STXBP5: variants seen among roughly 807,000 people sequenced by gnomAD.
The protein encoded by STXBP5 is syntaxin-binding protein 5.
Under a neutral mutation model 152.4 loss-of-function variants are expected in STXBP5, and 50 were observed. That is an observed-to-expected ratio of 0.33 (90% confidence interval 0.26 to 0.42). The LOEUF (loss-of-function observed/expected upper bound fraction) is 0.42. STXBP5 is among the 10% of genes least tolerant of loss of function. STXBP5 has a pLI of 1.00. For missense variants in STXBP5, 1,167 were observed against 1,388.6 expected (o/e 0.84, Z 2.54); for synonymous variants, 492 against 494.7 (o/e 0.99, Z 0.07).
At chr6:147,227,291 G>T (rs1777767338) in intron 2 of STXBP5, among the ~76,000 whole-genome samples, 1 of 152,094 alleles carries the variant, frequency 6.6e-6, no homozygotes, top group African/African-American at 2.4e-5. Context: ...CTTTCCAAAG[G>T]CATATACATG....
chr6:147,273,339 T>C (rs1417877470), intron 7 of STXBP5, among the ~76,000 whole-genome samples: 1 of 152,080 alleles, frequency 6.6e-6, no homozygotes, highest in African/African-American at 2.4e-5. Context: ...ATTCCAGCCC[T>C]GGTGACAGAG....
intron 9 of STXBP5, among the ~76,000 whole-genome samples, chr6:147,294,914 A>G (rs1419507531): frequency 1.3e-5 from 2 of 152,206 alleles, no homozygotes; most frequent in Non-Finnish European, 2.9e-5. Context: ...TTATTAAAAT[A>G]TTTGAAAGTC....
intron 2 of STXBP5, among the ~76,000 whole-genome samples, chr6:147,209,261 CTCAT>C (rs1449604220): frequency 1.3e-5 from 2 of 152,032 alleles, no homozygotes; most frequent in African/African-American, 4.8e-5. Context: ...ATCGAAGAAC[CTCAT>C]TCATTGTCTT....
intron 2 of STXBP5, among the ~76,000 whole-genome samples, chr6:147,230,616 A>G (rs1222465955): frequency 6.6e-6 from 1 of 151,818 alleles, no homozygotes; most frequent in Non-Finnish European, 1.5e-5. Context: ...ATAATAAAGC[A>G]GGAAATAACA....
At chr6:147,356,558 G>A (rs1332840249) in intron 22 of STXBP5, among the ~76,000 whole-genome samples, 2 of 151,672 alleles carry the variant, frequency 1.3e-5, no homozygotes, top group African/African-American at 4.8e-5. Flanking sequence ...ATCATAATTT[G>A]TAAATTATGG....
intron 2 of STXBP5, among the ~76,000 whole-genome samples, chr6:147,222,146 C>T (rs540866030): frequency 5.5e-4 from 84 of 152,140 alleles, no homozygotes; most frequent in African/African-American, 1.9e-3. Flanking sequence ...TTATATTGCC[C>T]ATCTGTTGTT....
intron 26 of STXBP5, among the ~76,000 whole-genome samples, chr6:147,376,252 A>G (rs941665858): frequency 1.3e-5 from 2 of 152,212 alleles, no homozygotes; most frequent in Non-Finnish European, 2.9e-5. Flanking sequence ...TTTTTGGGAA[A>G]CTTGTAAAAA....
At chr6:147,384,255 T>C (rs1425617913) in intron 27 of STXBP5, among the ~76,000 whole-genome samples, 5 of 152,074 alleles carry the variant, frequency 3.3e-5, no homozygotes, top group Non-Finnish European at 7.4e-5. Context: ...ATTTATTAAA[T>C]GGGGAGAAAA....
intron 26 of STXBP5, among the ~76,000 whole-genome samples, chr6:147,374,234 T>G (rs888355029): frequency 6.6e-6 from 1 of 152,220 alleles, no homozygotes; most frequent in Non-Finnish European, 1.5e-5. Context: ...CATTTAACCT[T>G]CATCATAAGA....
intron 19 of STXBP5, 142 bp downstream of exon 19, chr6:147,334,364 C>A: frequency 1.5e-6 from 1 of 661,576 alleles, no homozygotes; most frequent in Non-Finnish European, 2.4e-6. Flanking sequence ...AAAATCTTAA[C>A]TGCATTCTTT....
In STXBP5 at chr6:147,360,065, A is replaced by G. The variant is rs188331925; in HGVS notation, c.2545+742A>G. 7.2e-5 allele frequency among the ~76,000 whole-genome samples: 11 copies of G among 152,388 alleles called. 1 individual carries two copies. Among genetic ancestry groups the G allele is most frequent in the Admixed American group, 2.0e-4 (3 of 15,308 alleles). ...GAAAAAATGCTCGCCATCACTGGCCATCAGAGAAATGGAAATCAAAACCAC... is the reference window on the plus strand; with the variant it reads ...GAAAAAATGCTCGCCATCACTGGCCGTCAGAGAAATGGAAATCAAAACCAC... On this transcript the variant is annotated intron_variant, in intron 23 of 27. Transcript: ENST00000321680.
intron 21 of STXBP5, chr6:147,351,940 T>C (rs1784604907): frequency 3.1e-6 from 3 of 961,264 alleles, no homozygotes; most frequent in South Asian, 4.8e-5. Flanking sequence ...TTTAACCTAA[T>C]ATATTCATTC....
intron 13 of STXBP5, 48 bp downstream of exon 13, chr6:147,314,379 T>A: frequency 6.6e-7 from 1 of 1,512,232 alleles, no homozygotes; most frequent in Non-Finnish European, 9.2e-7. Flanking sequence ...TAGCTAAATA[T>A]AATTGATTGA....
At chr6:147,299,176 A>T (rs1024710979) in intron 9 of STXBP5, among the ~76,000 whole-genome samples, 4 of 151,966 alleles carry the variant, frequency 2.6e-5, no homozygotes, top group African/African-American at 7.2e-5. Context: ...AAAAGGAAAC[A>T]TTACAACCCG....
In STXBP5 at chr6:147,269,753, G is replaced by A. The variant is rs183087533; in HGVS notation, c.714+2586G>A. On this transcript the variant is annotated intron_variant, in intron 7 of 27. Transcript: ENST00000321680. ...AACAGTACTGCCAAAGGATTAATAC[G>A]CTTCAGGAAATAGCAGTAGAAGCTA... Among the ~76,000 whole-genome samples the A allele has an allele frequency of 3.0e-3, 456 of 152,130 alleles. 1 individual carries two copies. The highest frequency in any genetic ancestry group is 0.01 in the African/African-American group (420 of 41,496).
rs1337099262 is a variant in STXBP5, at chr6:147,389,296, A to T, written c.*4541A>T. On this transcript the variant is annotated 3_prime_UTR_variant, in exon 28 of 28. Coordinates refer to ENST00000321680, the MANE Select transcript of STXBP5 (RefSeq NM_001127715.4). ...AAAACAGTTGTTGCAACCAAAAACA[A>T]CCAAAAAAAGAAAAAAAGGGAAAAC... The T allele has an allele frequency of 2.6e-5, 4 of 151,908 alleles. No homozygotes were observed. The highest frequency in any genetic ancestry group is 9.6e-5 in the African/African-American group (4 of 41,540). 9.4% of individuals were successfully genotyped at this position (151,908 alleles called of 1,614,324 possible).
chr6:147,207,044 A>G (rs1462879205), intron 2 of STXBP5, among the ~76,000 whole-genome samples: 1 of 152,036 alleles, frequency 6.6e-6, no homozygotes, highest in Non-Finnish European at 1.5e-5. Context: ...ACTATTGTCA[A>G]AAAAAAGAAA....
chr6:147,216,486 T>A (rs1777174047), intron 2 of STXBP5, among the ~76,000 whole-genome samples: 1 of 152,180 alleles, frequency 6.6e-6, no homozygotes, highest in African/African-American at 2.4e-5. Context: ...ATTACATGCC[T>A]CTTGTTGGAA....
At chr6:147,363,948 T>A (rs569963657) in intron 24 of STXBP5, 53 bp from the exon 25 acceptor site, 10 of 1,570,170 alleles carry the variant, frequency 6.4e-6, no homozygotes. Context: ...TGATAGTGTG[T>A]TCAAGACTAA....
Sources: gnomAD v4.1 joint callset for allele counts (sites outside exome capture counted in the v4.1 genomes callset) on GRCh38, gnomAD v4.1.1 for gene constraint, MANE v1.5 for transcripts, NCBI Gene and HGNC (gene_info 2026-07-23, HGNC 2026-07-21) for gene names.